The following COL6A6 variants were observed in gnomAD, a reference collection of about 807,000 sequenced individuals.
COL6A6 encodes the protein collagen type VI alpha 6 chain.
A neutral mutation model predicts 208.6 loss-of-function variants in COL6A6; 183 were observed. The observed-to-expected ratio is 0.88, with a 90% CI of 0.78 to 0.99. The LOEUF is 0.99. COL6A6 is among the 50% of genes least tolerant of loss of function. The pLI is 0.00. For missense variants in COL6A6, 2,816 were observed against 2,815.2 expected, an observed-to-expected ratio of 1.00 and a Z score of -0.01; for synonymous variants, 973 against 1,011.8, an observed-to-expected ratio of 0.96 and a Z score of 0.73.
chr3:130,563,150 C>A lies in COL6A6; in HGVS notation c.147C>A (p.Phe49Leu), dbSNP rs907630509. ...GSKSFPFVKM[F>L]ITKMISSLPI... Reference sequence around the variant, plus strand: ...AGTCCTTCCCATTTGTGAAAATGTTCATCACCAAAATGATCAGCAGTCTCC... The same window carrying A: ...AGTCCTTCCCATTTGTGAAAATGTTAATCACCAAAATGATCAGCAGTCTCC... Residue 49 changes from phenylalanine to leucine, a missense_variant, in exon 3 of 37, where the codon TTC becomes TTA. Coordinates refer to ENST00000358511, the MANE Select transcript of COL6A6 (RefSeq NM_001102608.3). The A allele has an allele frequency of 1.2e-6, 2 of 1,613,874 alleles. No homozygotes were observed. Among genetic ancestry groups the A allele is most frequent in the African/African-American group, 2.7e-5 (2 of 74,918 alleles).
rs187355964 is a variant in COL6A6, at chr3:130,622,781, C to T, written c.4878+898C>T. ...CTGAGGCAGGAGAATGGTGTGAATCCGGGAGGCAGAGTTTGCAGTGAGCTG... is the reference window on the plus strand; with the variant it reads ...CTGAGGCAGGAGAATGGTGTGAATCTGGGAGGCAGAGTTTGCAGTGAGCTG... On this transcript the variant is annotated intron_variant, in intron 24 of 36. Transcript: ENST00000358511. Among the ~76,000 whole-genome samples, 100 of 152,028 alleles carry T rather than the reference C, an allele frequency of 6.6e-4. 1 individual carries two copies. In the East Asian group the frequency reaches 0.016, roughly 24 times the overall value.
At chr3:130,524,020 G>A (rs1161459390) in intron 1 of COL6A6, among the ~76,000 whole-genome samples, 2 of 151,974 alleles carry the variant, frequency 1.3e-5, no homozygotes, top group Admixed American at 6.6e-5. Flanking sequence ...CCTTCTCCAC[G>A]AGTACTGTCA....
At chr3:130,627,013 A>C (rs1039062085) in intron 25 of COL6A6, among the ~76,000 whole-genome samples, 14 of 152,162 alleles carry the variant, frequency 9.2e-5, no homozygotes, top group Non-Finnish European at 2.1e-4. Flanking sequence ...ATCTCCTCTT[A>C]TTGAAAGATT....
chr3:130,672,272 A>G (rs1390288636), intron 36 of COL6A6, among the ~76,000 whole-genome samples: 1 of 152,360 alleles, frequency 6.6e-6, no homozygotes, highest in African/African-American at 2.4e-5. Context: ...GCTGAGCACA[A>G]GTTGCAAAAT....
At chr3:130,589,280 A>G (rs2063618179) in intron 12 of COL6A6, 98 bp downstream of exon 12, 1 of 724,070 alleles carries the variant, frequency 1.4e-6, no homozygotes. Context: ...ACTTCTAAAT[A>G]GAGCCTCTTA....
intron 36 of COL6A6, among the ~76,000 whole-genome samples, chr3:130,671,747 A>C (rs879444822): frequency 1.3e-5 from 2 of 152,234 alleles, no homozygotes; most frequent in Non-Finnish European, 2.9e-5. Flanking sequence ...TACATGTAGA[A>C]GCTGGTGCTT....
intron 11 of COL6A6, among the ~76,000 whole-genome samples, chr3:130,587,506 C>G (rs2063571087): frequency 6.6e-6 from 1 of 152,216 alleles, no homozygotes; most frequent in Admixed American, 6.5e-5. Context: ...ATCTTATGTT[C>G]TATTTTTAAA....
chr3:130,556,662 T>C (rs1240479555), intron 1 of COL6A6, among the ~76,000 whole-genome samples: 1 of 152,080 alleles, frequency 6.6e-6, no homozygotes, highest in Non-Finnish European at 1.5e-5. Context: ...TTTAGTATTG[T>C]AGTATCTATT....
chr3:130,614,656 G>A lies in COL6A6; in HGVS notation c.4815+3945G>A, dbSNP rs1489326093. Among the ~76,000 whole-genome samples, 4 of 152,026 alleles carry A rather than the reference G, an allele frequency of 2.6e-5. No homozygotes were observed. The East Asian group carries it at 7.7e-4, about 29-fold the overall frequency. On this transcript the variant is annotated intron_variant, in intron 23 of 36. Transcript: ENST00000358511. ...TCTGGTCCTGGCTGTTTTTTGGTTGGTAGGCTTTTTATTATTGAGTCAACG... is the reference window on the plus strand; with the variant it reads ...TCTGGTCCTGGCTGTTTTTTGGTTGATAGGCTTTTTATTATTGAGTCAACG...
intron 18 of COL6A6, among the ~76,000 whole-genome samples, chr3:130,596,119 T>C (rs2063844654): frequency 6.6e-6 from 1 of 151,692 alleles, no homozygotes; most frequent in African/African-American, 2.4e-5. Context: ...GTTAGGCAAC[T>C]GTATTTAAAA....
At chr3:130,517,058 C>T (rs1710771539), upstream of COL6A6, among the ~76,000 whole-genome samples, 1 of 152,216 alleles carries the variant, frequency 6.6e-6, no homozygotes. Flanking sequence ...TCCGTCACCT[C>T]CCTAAGGCTG....
At position 130,661,706 on chromosome 3, in the gene COL6A6, C is replaced by T. The variant is rs2065936964; in HGVS notation, c.5900C>T (p.Ala1967Val). The T allele has an allele frequency of 6.2e-7, 1 of 1,613,952 alleles. No homozygotes were observed. The highest frequency in any genetic ancestry group is 1.7e-4 in the Middle Eastern group (1 of 6,060). The change falls in exon 35 of 37, where the codon GCT becomes GTT. Residue 1967 changes from alanine (A) to valine (V), a missense_variant. Ala to Val is a moderately conservative substitution (Grantham distance 64, BLOSUM62 0). Transcript: ENST00000358511. ...PPPVQSYMDA[A>V]FLLDASRNMG... ...CCTGTGCAGTCTTACATGGATGCTG[C>T]TTTCCTTCTGGATGCCTCCCGGAAC...
chr3:130,597,814 G>T (rs2063893164), intron 18 of COL6A6, among the ~76,000 whole-genome samples: 1 of 152,198 alleles, frequency 6.6e-6, no homozygotes, highest in Non-Finnish European at 1.5e-5. Context: ...GTGAACATAT[G>T]GGTGTAGCAT....
intron 1 of COL6A6, among the ~76,000 whole-genome samples, chr3:130,533,015 G>A (rs1411869841): frequency 1.3e-5 from 2 of 152,102 alleles, no homozygotes; most frequent in African/African-American, 4.8e-5. Flanking sequence ...GAGCCTACAT[G>A]CCAGCTCCAA....
intron 1 of COL6A6, among the ~76,000 whole-genome samples, chr3:130,542,185 C>G (rs1278586553): frequency 1.9e-5 from 2 of 106,808 alleles, no homozygotes; most frequent in African/African-American, 3.7e-5. Context: ...CCTCTTTTTT[C>G]TTTGCTTTGG....
At chr3:130,608,835 G>A in intron 21 of COL6A6, 67 bp from the exon 22 acceptor site, 1 of 728,672 alleles carries the variant, frequency 1.4e-6, no homozygotes, top group Non-Finnish European at 2.0e-6. Flanking sequence ...ATATTTGTAA[G>A]CTTGCAGGTA....
chr3:130,634,480 C>G, intron 26 of COL6A6, 110 bp from the exon 27 acceptor site: 1 of 905,094 alleles, frequency 1.1e-6, no homozygotes, highest in Non-Finnish European at 1.7e-6. Flanking sequence ...TTGGCCCTTC[C>G]TTAATTCAGA....
At position 130,582,307 on chromosome 3, in the gene COL6A6, A is replaced by T. The variant is rs1435722820; in HGVS notation, c.3970+239A>T. Reference sequence around the variant, plus strand: ...AATACAAAGTCCTATCCTTTGTTTCATATTACTGTATTTCTTCTTCCTGAC... The same window carrying T: ...AATACAAAGTCCTATCCTTTGTTTCTTATTACTGTATTTCTTCTTCCTGAC... On this transcript the variant is annotated intron_variant, in intron 10 of 36. Coordinates refer to ENST00000358511, the MANE Select transcript of COL6A6 (RefSeq NM_001102608.3). Among the ~76,000 whole-genome samples, 3 of 152,136 alleles carry T rather than the reference A, an allele frequency of 2.0e-5. No individual in the cohort carries two copies. In the East Asian group the frequency reaches 5.8e-4, roughly 29 times the overall value.
intron 8 of COL6A6, among the ~76,000 whole-genome samples, chr3:130,577,886 A>C (rs776419599): frequency 2.0e-5 from 3 of 152,168 alleles, no homozygotes; most frequent in Non-Finnish European, 4.4e-5. Flanking sequence ...TTTGTGGAGT[A>C]ATGGGGTTAA....
Sources: gnomAD v4.1 joint callset for allele counts (sites outside exome capture counted in the v4.1 genomes callset) on GRCh38, gnomAD v4.1.1 for gene constraint, MANE v1.5 for transcripts, NCBI Gene and HGNC (gene_info 2026-07-23, HGNC 2026-07-21) for gene names.